VWA5B1: variants seen among roughly 807,000 people sequenced by gnomAD.
The protein encoded by VWA5B1 is von Willebrand factor A domain-containing protein 5B1.
In VWA5B1, 115 loss-of-function variants were observed where a neutral mutation model predicts 118.2. The observed-to-expected ratio is 0.97, with a 90% CI of 0.84 to 1.14. The LOEUF is 1.14. Ranked by LOEUF, VWA5B1 falls within the 50% of genes most tolerant of loss-of-function variation. The pLI is 0.00. For synonymous variants in VWA5B1, 682 were observed against 658.4 expected (o/e 1.04, Z -0.55); for missense variants, 1,596 against 1,603.8 (o/e 1.00, Z 0.08).
At chr1:20,342,321 G>A in intron 14 of VWA5B1, 111 bp from the exon 15 acceptor site, 2 of 1,171,160 alleles carry the variant, frequency 1.7e-6, no homozygotes, top group Non-Finnish European at 2.4e-6. Context: ...GGTGGGGGTG[G>A]GGGAGCAGAA....
intron 20 of VWA5B1, 140 bp downstream of exon 20, chr1:20,351,066 C>T: frequency 2.7e-6 from 2 of 745,228 alleles, no homozygotes; most frequent in Admixed American, 2.6e-5. Flanking sequence ...GGCACTCCTG[C>T]CCAGAGCAAT....
intron 4 of VWA5B1, among the ~76,000 whole-genome samples, chr1:20,316,349 A>C (rs987849831): frequency 2.6e-5 from 4 of 152,162 alleles, no homozygotes; most frequent in Non-Finnish European, 5.9e-5. Context: ...GCTGGGAACA[A>C]CAAGTACAAT....
intron 9 of VWA5B1, 86 bp downstream of exon 9, chr1:20,328,086 A>G: frequency 4.6e-6 from 6 of 1,309,902 alleles, no homozygotes; most frequent in Non-Finnish European, 6.4e-6. Flanking sequence ...AATAGTTAAA[A>G]CCCTAGTGCT....
intron 1 of VWA5B1, among the ~76,000 whole-genome samples, chr1:20,292,659 G>A (rs1055226631): frequency 8.5e-5 from 13 of 152,184 alleles, no homozygotes; most frequent in East Asian, 1.9e-4. Flanking sequence ...GTGTGCACAC[G>A]TGTGCACATG....
intron 8 of VWA5B1, among the ~76,000 whole-genome samples, chr1:20,325,833 A>G (rs1025059727): frequency 1.3e-5 from 2 of 152,156 alleles, no homozygotes; most frequent in Non-Finnish European, 2.9e-5. Context: ...CCCACTGACA[A>G]TGAGGCCACT....
rs1272882503 is a variant in VWA5B1, at chr1:20,354,992, C to G, written c.*729C>G. ...GTGGTGGCAGGACCAGGGGAGACAC[C>G]TTGTGAGTTGACGTGTTAGATTTAA... is the stretch of plus-strand genomic sequence containing the variant. On this transcript the variant is annotated 3_prime_UTR_variant, in exon 22 of 22. Transcript: ENST00000289815. 1 of 152,148 alleles carries G rather than the reference C, an allele frequency of 6.6e-6. No homozygotes were observed. Among genetic ancestry groups the G allele is most frequent in the East Asian group, 1.9e-4 (1 of 5,192 alleles). 9.4% of individuals were successfully genotyped at this position (152,148 alleles called of 1,614,324 possible).
chr1:20,349,933 G>C (rs28619343), intron 18 of VWA5B1, among the ~76,000 whole-genome samples: 2,346 of 152,228 alleles, frequency 0.015, 60 homozygotes, highest in African/African-American at 0.052. Context: ...GGTGGTGGTA[G>C]TGGTGGCGGG....
chr1:20,347,999 C>T (rs113093673), intron 17 of VWA5B1, among the ~76,000 whole-genome samples: 15 of 152,286 alleles, frequency 9.8e-5, no homozygotes, highest in African/African-American at 3.4e-4. Context: ...TTATTATCCC[C>T]GTTTTCTAGA....
chr1:20,328,289 A>C (rs1194020568), intron 9 of VWA5B1, among the ~76,000 whole-genome samples: 1 of 152,204 alleles, frequency 6.6e-6, no homozygotes, highest in Non-Finnish European at 1.5e-5. Flanking sequence ...GGGTAGAGAG[A>C]GGACATAGCC....
intron 4 of VWA5B1, among the ~76,000 whole-genome samples, chr1:20,317,245 AC>A (rs1320221656): frequency 1.8e-4 from 28 of 151,500 alleles, no homozygotes; most frequent in African/African-American, 6.6e-4. Flanking sequence ...GAAAGTGGAG[AC>A]CCTGAAATCT....
At position 20,354,575 on chromosome 1, in the gene VWA5B1, C is replaced by T. The variant is rs556166928; in HGVS notation, c.*312C>T. The T allele has an allele frequency of 6.3e-5, 22 of 351,236 alleles. No individual in the cohort carries two copies. The highest frequency in any genetic ancestry group is 2.6e-4 in the African/African-American group (12 of 47,020). 21.8% of individuals were successfully genotyped at this position (351,236 alleles called of 1,614,324 possible). On this transcript the variant is annotated 3_prime_UTR_variant, in exon 22 of 22. Coordinates refer to ENST00000289815, the MANE Select transcript of VWA5B1 (RefSeq NM_001039500.3). ...TCCTTTCTGCCCATTCAGGCAGTCC[C>T]GGGCTGACTGCTGCTGGGGCTGGCG... is the stretch of plus-strand genomic sequence containing the variant.
intron 8 of VWA5B1, among the ~76,000 whole-genome samples, chr1:20,326,692 G>T (rs190921833): frequency 8.3e-4 from 127 of 152,110 alleles, no homozygotes; most frequent in Non-Finnish European, 1.4e-3. Context: ...CTCATGATCT[G>T]CCTGCCTCCA....
At chr1:20,337,059 T>C (rs2089738004) in intron 13 of VWA5B1, among the ~76,000 whole-genome samples, 1 of 151,624 alleles carries the variant, frequency 6.6e-6, no homozygotes, top group East Asian at 1.9e-4. Context: ...ATGTGGAGAG[T>C]GTGACACTTA....
intron 1 of VWA5B1, among the ~76,000 whole-genome samples, chr1:20,309,022 A>T (rs1192495483): frequency 6.6e-6 from 1 of 152,072 alleles, no homozygotes; most frequent in Non-Finnish European, 1.5e-5. Context: ...TTTGCTTCCC[A>T]TTCCCACCCC....
chr1:20,303,989 C>G (rs1028554751), intron 1 of VWA5B1, among the ~76,000 whole-genome samples: 15 of 152,192 alleles, frequency 9.9e-5, no homozygotes, highest in African/African-American at 3.4e-4. Context: ...TCCATCTGAA[C>G]CTGGAAATTG....
At chr1:20,342,806 G>C (rs2089910889) in intron 15 of VWA5B1, among the ~76,000 whole-genome samples, 197 bp downstream of exon 15, 1 of 152,194 alleles carries the variant, frequency 6.6e-6, no homozygotes, top group Non-Finnish European at 1.5e-5. Context: ...CTCTGAGGCT[G>C]CAGCTCCATT....
At chr1:20,295,555 G>C (rs1044886103) in intron 1 of VWA5B1, among the ~76,000 whole-genome samples, 1 of 152,136 alleles carries the variant, frequency 6.6e-6, no homozygotes, top group South Asian at 2.1e-4. Flanking sequence ...AAGGGTCCCC[G>C]GGTGTCTCAG....
intron 9 of VWA5B1, 54 bp downstream of exon 9, chr1:20,328,054 G>A (rs2089440669): frequency 3.4e-6 from 5 of 1,482,310 alleles, no homozygotes; most frequent in South Asian, 1.2e-5. Flanking sequence ...GGGGAGCAGA[G>A]GAAAGGAGGG....
intron 14 of VWA5B1, among the ~76,000 whole-genome samples, chr1:20,341,266 T>C (rs1480859429): frequency 6.6e-6 from 1 of 152,260 alleles, no homozygotes; most frequent in Non-Finnish European, 1.5e-5. Context: ...GCAACAAGTA[T>C]ACAGTACTTG....
Sources: gnomAD v4.1 joint callset for allele counts (sites outside exome capture counted in the v4.1 genomes callset) on GRCh38, gnomAD v4.1.1 for gene constraint, MANE v1.5 for transcripts, NCBI Gene and HGNC (gene_info 2026-07-23, HGNC 2026-07-21) for gene names.